UPK2: variants seen among roughly 807,000 people sequenced by gnomAD.
UPK2 encodes the protein uroplakin 2, also known as uroplakin-2.
A neutral mutation model predicts 14.8 loss-of-function variants in UPK2; 19 were observed. The observed-to-expected ratio is 1.29, with a 90% confidence interval of 0.90 to 1.89. UPK2 has a LOEUF of 1.89. Ranked by LOEUF, UPK2 falls within the 40% of genes most tolerant of loss-of-function variation. The pLI is 0.00. For synonymous variants in UPK2, 102 were observed against 101.6 expected, an observed-to-expected ratio of 1.00 and a Z score of -0.02; for missense variants, 232 against 236.0, an observed-to-expected ratio of 0.98 and a Z score of 0.11.
chr11:118,956,754 T>G lies in UPK2; in HGVS notation c.77-129T>G. 2 of 1,304,070 alleles carry G rather than the reference T, an allele frequency of 1.5e-6. No homozygotes were observed. The highest frequency in any genetic ancestry group is 1.1e-6 in the Non-Finnish European group (1 of 949,140). The allele number at this position is 1,304,070 out of a possible 1,614,324, so 80.8% of individuals were successfully genotyped here. On this transcript the variant is annotated intron_variant, in intron 1 of 4. Transcript: ENST00000264031. This position sits in a 1 kb window ranked among gnomAD's most constrained non-coding sequence, Gnocchi z 4.1. Reference sequence around the variant, plus strand: ...CAAGCCTGCCACCTGGTGGTCATACTGGCACAGGCCTGGCTGTTCTGCCCA... The same window carrying G: ...CAAGCCTGCCACCTGGTGGTCATACGGGCACAGGCCTGGCTGTTCTGCCCA...
intron 3 of UPK2, 58 bp downstream of exon 3, chr11:118,957,404 G>A: frequency 6.3e-7 from 1 of 1,598,928 alleles, no homozygotes; most frequent in Admixed American, 1.7e-5. Flanking sequence ...AGAGAGAGAA[G>A]CTAGTGTGGG....
chr11:118,957,202 GC>G lies in UPK2; in HGVS notation c.209-3del. On this transcript the variant is annotated splice_region_variant and splice_polypyrimidine_tract_variant and intron_variant, in intron 2 of 4. Coordinates refer to ENST00000264031, the MANE Select transcript of UPK2 (RefSeq NM_006760.4). ...CCAGTCTTCCCCTCCCGCCACTTCT[GC>G]CCAGTGGTGACGTCCAGCTTTGTGG... 6.2e-7 allele frequency: 1 copy of G among 1,614,062 alleles called. No homozygotes were observed. Among genetic ancestry groups the G allele is most frequent in the African/African-American group, 1.3e-5 (1 of 75,012 alleles).
Position 118,958,468 on chromosome 11 carries a change from TC to T in UPK2, c.*238del. The T allele has an allele frequency of 2.0e-6, 1 of 509,798 alleles. No individual in the cohort carries two copies. Among genetic ancestry groups the T allele is most frequent in the Non-Finnish European group, 3.5e-6 (1 of 285,420 alleles). 31.6% of individuals were successfully genotyped at this position (509,798 alleles called of 1,614,324 possible). A position where few individuals can be genotyped will look rare whatever the true frequency, so the allele number is the denominator to read the frequency against. On this transcript the variant is annotated 3_prime_UTR_variant, in exon 5 of 5. Transcript: ENST00000264031. The surrounding 1 kb of genome is among the most constrained non-coding windows in gnomAD (Gnocchi z 4.6). ...CCACTCCTGTCAGAGTTGACTTTCC[TC>T]CCATTTTACCACTTTAAACACCCCC...
rs1032658962 is a variant in UPK2, at chr11:118,956,779, A to G, written c.77-104A>G. On this transcript the variant is annotated intron_variant, in intron 1 of 4. Transcript: ENST00000264031. The surrounding 1 kb of genome is among the most constrained non-coding windows in gnomAD (Gnocchi z 4.1). ...TGGCACAGGCCTGGCTGTTCTGCCC[A>G]GGGTTCACAGAGTGGAAAGGGAGAT... is the stretch of plus-strand genomic sequence containing the variant. 6 of 1,499,784 alleles carry G rather than the reference A, an allele frequency of 4.0e-6. No individual in the cohort carries two copies. In the African/African-American group the frequency reaches 8.3e-5, roughly 21 times the overall value. 92.9% of individuals were successfully genotyped at this position (1,499,784 alleles called of 1,614,324 possible). A position where few individuals can be genotyped will look rare whatever the true frequency, so the allele number is the denominator to read the frequency against.
In UPK2 at chr11:118,958,115, T is replaced by A; in HGVS notation, c.437T>A (p.Ile146Asn). The change falls in exon 5 of 5, where the codon ATT (isoleucine) becomes AAT (asparagine). Residue 146 changes from isoleucine to asparagine, a missense_variant. Physicochemically the swap from Ile to Asn is moderately radical, Grantham distance 149. Transcript: ENST00000264031. This position sits in a 1 kb window ranked among gnomAD's most constrained non-coding sequence, Gnocchi z 4.6. ...TTGACAGGAAGGAACATGGAATCCA[T>A]TGGGCTGGGTATGGCCCGCACAGGG... ...STLPRRNMES[I>N]GLGMARTGGM... The A allele has an allele frequency of 1.2e-6, 2 of 1,613,438 alleles. No individual in the cohort carries two copies. The highest frequency in any genetic ancestry group is 1.7e-6 in the Non-Finnish European group (2 of 1,179,518).
chr11:118,956,489 C>G lies in UPK2; in HGVS notation c.76+63C>G, dbSNP rs531587173. The G allele has an allele frequency of 3.6e-5, 51 of 1,401,872 alleles. 1 individual carries two copies. The East Asian group carries it at 1.1e-3, about 30-fold the overall frequency. The allele number at this position is 1,401,872 out of a possible 1,614,324, so 86.8% of individuals were successfully genotyped here. On this transcript the variant is annotated intron_variant, in intron 1 of 4. Coordinates refer to ENST00000264031, the MANE Select transcript of UPK2 (RefSeq NM_006760.4). The surrounding 1 kb of genome is among the most constrained non-coding windows in gnomAD (Gnocchi z 4.1). ...GGGGCCTGGACAGGGAGCACTGTAC[C>G]TTCCAGGGCTCTCAAAGAGAGGTCT...
chr11:118,957,429 C>T, intron 3 of UPK2, 83 bp downstream of exon 3: 1 of 1,577,992 alleles, frequency 6.3e-7, no homozygotes, highest in South Asian at 1.1e-5. Flanking sequence ...ATCTGGTGGG[C>T]ATGAGGAGAG....
intron 2 of UPK2, 35 bp downstream of exon 2, chr11:118,957,049 C>T: frequency 4.3e-6 from 7 of 1,612,430 alleles, no homozygotes; most frequent in Non-Finnish European, 5.9e-6. Context: ...CCCTCTAGTC[C>T]CCAAAGACCC....
chr11:118,956,298 A>T lies in UPK2; in HGVS notation c.-53A>T. ...TCAGCCACCCCAGGGGCAGGGCCTC[A>T]CTTGCCTCAGGAACCCCAGCCTGCC... is the stretch of plus-strand genomic sequence containing the variant. On this transcript the variant is annotated 5_prime_UTR_variant, in exon 1 of 5. Transcript: ENST00000264031. This position sits in a 1 kb window ranked among gnomAD's most constrained non-coding sequence, Gnocchi z 4.1. The T allele has an allele frequency of 2.0e-6, 3 of 1,536,230 alleles. No individual in the cohort carries two copies. Among genetic ancestry groups the T allele is most frequent in the South Asian group, 2.2e-5 (2 of 89,588 alleles).
chr11:118,958,075 G>A lies in UPK2; in HGVS notation c.419-22G>A, dbSNP rs201454360. 9.3e-4 allele frequency: 1,488 copies of A among 1,603,462 alleles called. 8 individuals carry two copies. The highest frequency in any genetic ancestry group is 8.2e-4 in the Non-Finnish European group (959 of 1,172,764). ...GCTGGGGGTCTCTCCCGCCCACAGT[G>A]GTCTCCCCTCTCTTTTGACAGGAAG... On this transcript the variant is annotated intron_variant, in intron 4 of 4. Coordinates refer to ENST00000264031, the MANE Select transcript of UPK2 (RefSeq NM_006760.4). This position sits in a 1 kb window ranked among gnomAD's most constrained non-coding sequence, Gnocchi z 4.6.
Position 118,956,630 on chromosome 11 carries a change from C to T in UPK2, c.76+204C>T, listed in dbSNP as rs957499324. Among the ~76,000 whole-genome samples the T allele has an allele frequency of 2.6e-5, 4 of 152,092 alleles. No homozygotes were observed. Among genetic ancestry groups the T allele is most frequent in the Non-Finnish European group, 4.4e-5 (3 of 68,006 alleles). On this transcript the variant is annotated intron_variant, in intron 1 of 4. Coordinates refer to ENST00000264031, the MANE Select transcript of UPK2 (RefSeq NM_006760.4). This position sits in a 1 kb window ranked among gnomAD's most constrained non-coding sequence, Gnocchi z 4.1. Reference sequence around the variant, plus strand: ...AGGCAGAGAGGTGTGGGCAAGGATCCGATGCTGCGGGGAGGGGTGAGGTTG... The same window carrying T: ...AGGCAGAGAGGTGTGGGCAAGGATCTGATGCTGCGGGGAGGGGTGAGGTTG...
In UPK2 at chr11:118,957,012, A is replaced by G. The variant is rs940987414; in HGVS notation, c.206A>G (p.Lys69Arg). 1.9e-6 allele frequency: 3 copies of G among 1,613,948 alleles called. No individual in the cohort carries two copies. Among genetic ancestry groups the G allele is most frequent in the Non-Finnish European group, 2.5e-6 (3 of 1,179,996 alleles). ...ATGGTCCGGAGAGCCAATGACAGCA[A>G]AGGTCTGCTACCTTCTCCCAAGGCA... The part of the protein sequence containing the change: ...TLMVRRANDS[K>R]VVTSSFVVPP... Residue 69 changes from lysine to arginine, a missense_variant and splice_region_variant, in exon 2 of 5, where the codon AAA (lysine) becomes AGA (arginine). Physicochemically the swap from Lys to Arg is conservative, Grantham distance 26. Coordinates refer to ENST00000264031, the MANE Select transcript of UPK2 (RefSeq NM_006760.4).
chr11:118,958,267 A>G lies in UPK2; in HGVS notation c.*34A>G. 2 of 1,583,642 alleles carry G rather than the reference A, an allele frequency of 1.3e-6. No individual in the cohort carries two copies. Among genetic ancestry groups the G allele is most frequent in the Non-Finnish European group, 1.7e-6 (2 of 1,165,962 alleles). ...GCCCGGAGCAGCAGCTTCTCCAGGAAGCCCAGGGCACCATCCAGCTCCCCA... is the reference window on the plus strand; with the variant it reads ...GCCCGGAGCAGCAGCTTCTCCAGGAGGCCCAGGGCACCATCCAGCTCCCCA... On this transcript the variant is annotated 3_prime_UTR_variant, in exon 5 of 5. Transcript: ENST00000264031. This position sits in a 1 kb window ranked among gnomAD's most constrained non-coding sequence, Gnocchi z 4.6.
chr11:118,957,532 G>C, intron 3 of UPK2, 66 bp from the exon 4 acceptor site: 1 of 1,596,078 alleles, frequency 6.3e-7, no homozygotes, highest in Non-Finnish European at 8.6e-7. Context: ...GCCCAGGCTG[G>C]AGCCCCTCTT....
At chr11:118,957,368 A>C in intron 3 of UPK2, 22 bp downstream of exon 3, 1 of 1,611,886 alleles carries the variant, frequency 6.2e-7, no homozygotes. Flanking sequence ...GTCCAGCCTG[A>C]GGCACCTAGG....
At position 118,957,214 on chromosome 11, in the gene UPK2, C is replaced by T. The variant is rs752173989; in HGVS notation, c.215C>T (p.Thr72Met). The T allele has an allele frequency of 6.4e-5, 104 of 1,614,092 alleles. No individual in the cohort carries two copies. The highest frequency in any genetic ancestry group is 2.0e-4 in the Admixed American group (12 of 60,014). ...TCCCGCCACTTCTGCCCAGTGGTGA[C>T]GTCCAGCTTTGTGGTGCCTCCGTGC... ...VRRANDSKVVTSSFVVPPCRG... is the reference protein window; with the variant it reads ...VRRANDSKVVMSSFVVPPCRG... The change falls in exon 3 of 5, where the codon ACG becomes ATG. Residue 72 changes from threonine to methionine, a missense_variant. Physicochemically the swap from Thr to Met is moderately conservative, Grantham distance 81. Coordinates refer to ENST00000264031, the MANE Select transcript of UPK2 (RefSeq NM_006760.4).
In UPK2 at chr11:118,956,368, C is replaced by A. The variant is rs759717100; in HGVS notation, c.18C>A (p.Pro6=). The A allele has an allele frequency of 6.2e-7, 1 of 1,611,626 alleles. No homozygotes were observed. The highest frequency in any genetic ancestry group is 1.1e-5 in the South Asian group (1 of 91,094). The change falls in exon 1 of 5, where the codon CCC becomes CCA. Residue 6 remains proline (P), a synonymous_variant. Coordinates refer to ENST00000264031, the MANE Select transcript of UPK2 (RefSeq NM_006760.4). The surrounding 1 kb of genome is among the most constrained non-coding windows in gnomAD (Gnocchi z 4.1). ...AGCCCAGCATGGCACCCCTGCTGCC[C>A]ATCCGGACCTTGCCCTTGATCCTGA... MAPLL[P]IRTLPLILIL...
chr11:118,958,339 C>A lies in UPK2; in HGVS notation c.*106C>A. ...AGGCCTGTGGCTCCCTTGGTGCCCT[C>A]GCCTCCTCCTCCTGCCCTCCTCTCC... On this transcript the variant is annotated 3_prime_UTR_variant, in exon 5 of 5. Coordinates refer to ENST00000264031, the MANE Select transcript of UPK2 (RefSeq NM_006760.4). This position sits in a 1 kb window ranked among gnomAD's most constrained non-coding sequence, Gnocchi z 4.6. The A allele has an allele frequency of 7.6e-7, 1 of 1,322,532 alleles. No homozygotes were observed. Among genetic ancestry groups the A allele is most frequent in the East Asian group, 2.5e-5 (1 of 40,144 alleles). 81.9% of individuals were successfully genotyped at this position (1,322,532 alleles called of 1,614,324 possible). A position where few individuals can be genotyped will look rare whatever the true frequency, so the allele number is the denominator to read the frequency against.
In UPK2 at chr11:118,957,303, A is replaced by G. The variant is rs754074351; in HGVS notation, c.304A>G (p.Ser102Gly). The change falls in exon 3 of 5, where the codon AGT becomes GGT. Residue 102 changes from serine (S) to glycine (G), a missense_variant. By Grantham distance (56) the Ser-to-Gly change is moderately conservative. Transcript: ENST00000264031. Reference sequence around the variant, plus strand: ...TGCTGGCTTCACAGTCACTCGGCTCAGTGCATACCAGGTGACAAACCTCGT... The same window carrying G: ...TGCTGGCTTCACAGTCACTCGGCTCGGTGCATACCAGGTGACAAACCTCGT... ...SGAGFTVTRL[S>G]AYQVTNLVPG... is the part of the protein sequence containing the mutation. 6.2e-7 allele frequency: 1 copy of G among 1,614,160 alleles called. No individual in the cohort carries two copies. The highest frequency in any genetic ancestry group is 8.5e-7 in the Non-Finnish European group (1 of 1,180,038).
Sources: gnomAD v4.1 joint callset for allele counts (sites outside exome capture counted in the v4.1 genomes callset) on GRCh38, gnomAD v4.1.1 for gene constraint, Gnocchi (gnomAD v3.1) non-coding constraint, MANE v1.5 for transcripts, NCBI Gene and HGNC (gene_info 2026-07-23, HGNC 2026-07-21) for gene names.